MYO1H: variants seen among roughly 807,000 people sequenced by gnomAD.
MYO1H encodes the protein unconventional myosin-Ih.
In MYO1H, 118 loss-of-function variants were observed where a neutral mutation model predicts 149.3. The ratio of observed to expected loss-of-function variants is 0.79; its 90% CI spans 0.68 to 0.92. The LOEUF (loss-of-function observed/expected upper bound fraction) is 0.92. Among genes scored for constraint, MYO1H ranks in the 40% least tolerant of loss-of-function variants. MYO1H has a pLI of 0.00. For synonymous variants in MYO1H, 447 were observed against 465.2 expected, an observed-to-expected ratio of 0.96 and a Z score of 0.50; for missense variants, 1,212 against 1,280.7, an observed-to-expected ratio of 0.95 and a Z score of 0.82.
intron 14 of MYO1H, among the ~76,000 whole-genome samples, chr12:109,415,085 G>C (rs555219438): frequency 4.6e-5 from 7 of 152,166 alleles, no homozygotes; most frequent in Non-Finnish European, 4.4e-5. Flanking sequence ...GAGCCTCCCT[G>C]TGTGGTGGCT....
the MYO1H span, among the ~76,000 whole-genome samples, chr12:109,338,946 G>A: frequency 4.6e-5 from 7 of 152,038 alleles, no homozygotes; most frequent in African/African-American, 7.2e-5. Context: ...TTCCTGTTAC[G>A]ATGCTCAAGC....
intron 2 of MYO1H, among the ~76,000 whole-genome samples, chr12:109,393,097 C>G (rs527885350): frequency 6.6e-6 from 1 of 152,084 alleles, no homozygotes; most frequent in African/African-American, 2.4e-5. Flanking sequence ...CATGATCCAC[C>G]GCGCCCGGCC....
intron 10 of MYO1H, among the ~76,000 whole-genome samples, chr12:109,408,342 T>TA (rs5800858): frequency 0.24 from 36,065 of 151,412 alleles, 5,130 homozygotes; most frequent in East Asian, 0.4. Context: ...CTGCTAATTT[T>TA]AAAAAAAAAT....
At chr12:109,382,904 A>T (rs1869234446) in intron 1 of MYO1H, among the ~76,000 whole-genome samples, 2 of 148,260 alleles carry the variant, frequency 1.3e-5, no homozygotes, top group Admixed American at 1.3e-4. Flanking sequence ...ATATAAATAA[A>T]TATATAAATA....
chr12:109,446,530 G>A lies in MYO1H; in HGVS notation c.3094-629G>A, dbSNP rs534128446. The A allele has an allele frequency of 1.9e-5, 16 of 840,362 alleles. No individual in the cohort carries two copies. In the South Asian group the frequency reaches 8.1e-4, roughly 43 times the overall value. 52.1% of individuals were successfully genotyped at this position (840,362 alleles called of 1,614,324 possible). On this transcript the variant is annotated intron_variant, in intron 31 of 31. Transcript: ENST00000310903. ...TATAATCCCAGCACTTTGGGAGGCC[G>A]AGATGGGCAGATCACCTGAGGTCAG... is the stretch of plus-strand genomic sequence containing the variant.
intron 14 of MYO1H, 118 bp from the exon 15 acceptor site, chr12:109,415,408 G>A (rs1401875130): frequency 7.2e-6 from 6 of 832,372 alleles, no homozygotes; most frequent in East Asian, 2.8e-5. Flanking sequence ...CCAGGGGGTC[G>A]GAGGTTGCCG....
intron 15 of MYO1H, among the ~76,000 whole-genome samples, chr12:109,420,214 C>T (rs1315251320): frequency 5.9e-5 from 9 of 152,124 alleles, no homozygotes; most frequent in Non-Finnish European, 7.3e-5. Context: ...CATATTTATA[C>T]GACAGCTCAT....
At chr12:109,404,969 G>A (rs1405120046) in intron 7 of MYO1H, among the ~76,000 whole-genome samples, 1 of 151,320 alleles carries the variant, frequency 6.6e-6, no homozygotes, top group Non-Finnish European at 1.5e-5. Context: ...CTGATGCTTT[G>A]GGAGGCTGAG....
At chr12:109,424,246 G>C (rs1453373172) in intron 16 of MYO1H, among the ~76,000 whole-genome samples, 1 of 152,044 alleles carries the variant, frequency 6.6e-6, no homozygotes, top group Non-Finnish European at 1.5e-5. Flanking sequence ...CTGCAGCCTC[G>C]ACTTCGTGGG....
At chr12:109,396,795 T>C (rs969083889) in intron 4 of MYO1H, among the ~76,000 whole-genome samples, 1 of 150,196 alleles carries the variant, frequency 6.7e-6, no homozygotes, top group Non-Finnish European at 1.5e-5. Context: ...TTAAGACATT[T>C]GGTTTTTGTT....
intron 1 of MYO1H, among the ~76,000 whole-genome samples, chr12:109,382,428 CTT>C (rs1407027047): frequency 6.6e-6 from 1 of 152,090 alleles, no homozygotes; most frequent in East Asian, 1.9e-4. Flanking sequence ...ACAAAAGAGA[CTT>C]GAGAGACACA....
intron 6 of MYO1H, among the ~76,000 whole-genome samples, chr12:109,402,912 T>G (rs1401192530): frequency 1.3e-5 from 2 of 152,228 alleles, no homozygotes; most frequent in African/African-American, 2.4e-5. Flanking sequence ...CGTGTCTTTA[T>G]TCCTGTAGAT....
At chr12:109,407,600 C>CA (rs776897477) in intron 9 of MYO1H, among the ~76,000 whole-genome samples, 194 bp from the exon 10 acceptor site, 1,599 of 68,242 alleles carry the variant, frequency 0.023, 19 homozygotes, top group East Asian at 0.04. Context: ...CACATTTCTA[C>CA]AAAAAAAAAA....
intron 15 of MYO1H, among the ~76,000 whole-genome samples, chr12:109,418,506 C>T (rs568378416): frequency 2.0e-4 from 31 of 152,000 alleles, no homozygotes; most frequent in African/African-American, 6.8e-4. Flanking sequence ...TCCGCCACCA[C>T]GCCCAACTAA....
chr12:109,336,564 C>T, the MYO1H span, among the ~76,000 whole-genome samples: 7 of 152,070 alleles, frequency 4.6e-5, no homozygotes, highest in Non-Finnish European at 8.8e-5. Context: ...GTGGTCTCCA[C>T]GTACTATAGG....
chr12:109,425,987 A>G (rs780974207), exon 18 of MYO1H: 7 of 1,613,754 alleles, frequency 4.3e-6, no homozygotes, highest in Non-Finnish European at 4.2e-6. Context: ...GCCTTCTAGA[A>G]ACCCTCATCT....
chr12:109,439,782 T>C (rs770023344), exon 24 of MYO1H: 12 of 1,613,580 alleles, frequency 7.4e-6, no homozygotes, highest in South Asian at 6.6e-5. Context: ...TCCTGGCATC[T>C]TGGAAAATGT....
intron 1 of MYO1H, among the ~76,000 whole-genome samples, chr12:109,351,113 G>A (rs1466577745): frequency 6.6e-6 from 1 of 152,180 alleles, no homozygotes; most frequent in Non-Finnish European, 1.5e-5. Context: ...TGGGTGAAGT[G>A]GTGTACAAGT....
upstream of MYO1H, among the ~76,000 whole-genome samples, chr12:109,346,796 A>G (rs536783642): frequency 1.2e-4 from 19 of 152,230 alleles, no homozygotes; most frequent in South Asian, 3.7e-3. Context: ...AAACTAAAAT[A>G]TATGTCTATA....
Sources: allele counts gnomAD v4.1 joint callset (sites outside exome capture counted in the v4.1 genomes callset), GRCh38; gene constraint gnomAD v4.1.1; transcripts MANE v1.5; gene names NCBI Gene and HGNC (gene_info 2026-07-23, HGNC 2026-07-21).